Variants in CENPC observed in about 807,000 individuals in gnomAD.
The protein encoded by CENPC is centromere protein C.
CENPC carries 63 observed loss-of-function variants against 112.1 expected under a neutral mutation model. That is an observed-to-expected ratio of 0.56 (90% CI 0.46 to 0.69). The LOEUF is 0.69. Ranked by LOEUF, CENPC falls within the 30% of genes least tolerant of loss-of-function variation. The pLI, the probability that CENPC is intolerant of heterozygous loss-of-function variation, is 0.00. For missense variants in CENPC, 1,000 were observed against 1,103.8 expected (o/e 0.91, Z 1.33); for synonymous variants, 333 against 367.6 (o/e 0.91, Z 1.08).
At chr4:67,511,385 G>A (rs1005797683) in intron 9 of CENPC, among the ~76,000 whole-genome samples, 3 of 152,124 alleles carry the variant, frequency 2.0e-5, no homozygotes, top group Admixed American at 2.0e-4. Context: ...ATTTGTGTAT[G>A]TGAATGCTAC....
intron 4 of CENPC, among the ~76,000 whole-genome samples, chr4:67,539,477 T>C (rs537204368): frequency 1.3e-5 from 2 of 152,286 alleles, no homozygotes; most frequent in South Asian, 4.1e-4. Context: ...CAACAGAAGA[T>C]TGATTTCCCC....
At chr4:67,483,944 C>A (rs1304522822) in intron 17 of CENPC, among the ~76,000 whole-genome samples, 1 of 152,030 alleles carries the variant, frequency 6.6e-6, no homozygotes, top group African/African-American at 2.4e-5. Flanking sequence ...AGGTTTATTA[C>A]TGAAGAAAGA....
At chr4:67,501,700 G>A (rs1006243052) in intron 12 of CENPC, among the ~76,000 whole-genome samples, 2 of 152,276 alleles carry the variant, frequency 1.3e-5, no homozygotes, top group Admixed American at 1.3e-4. Flanking sequence ...TGTATGGTTC[G>A]AGGGTAGTTA....
intron 7 of CENPC, among the ~76,000 whole-genome samples, chr4:67,516,621 A>G (rs1313045002): frequency 6.6e-6 from 1 of 152,064 alleles, no homozygotes; most frequent in Non-Finnish European, 1.5e-5. Flanking sequence ...ACAAACTTAT[A>G]TAATTAGAAA....
chr4:67,483,367 A>T (rs959013262), intron 17 of CENPC, among the ~76,000 whole-genome samples: 58 of 152,256 alleles, frequency 3.8e-4, no homozygotes, highest in African/African-American at 1.3e-3. Flanking sequence ...AAGAAAAAAA[A>T]AAATTATCTA....
At chr4:67,509,898 T>C (rs1285423642) in intron 9 of CENPC, among the ~76,000 whole-genome samples, 2 of 152,176 alleles carry the variant, frequency 1.3e-5, no homozygotes, top group African/African-American at 2.4e-5. Context: ...TTATTATCTA[T>C]AGCTTCAGGA....
At chr4:67,488,171 A>G (rs1419364685) in intron 17 of CENPC, among the ~76,000 whole-genome samples, 1 of 150,218 alleles carries the variant, frequency 6.7e-6, no homozygotes, top group Non-Finnish European at 1.5e-5. Flanking sequence ...TTTATCTTGC[A>G]TATTTGCTTA....
In CENPC at chr4:67,530,685, T is replaced by A. The variant is rs539143986; in HGVS notation, c.331+130A>T. ...TGTAAGGAAATCAAAAACAAATTCA[T>A]CCATTTCACAATTCACAATTCTGTC... On this transcript the variant is annotated intron_variant, in intron 5 of 18. Coordinates refer to ENST00000273853, the MANE Select transcript of CENPC (RefSeq NM_001812.4). 6 of 422,190 alleles carry A rather than the reference T, an allele frequency of 1.4e-5. 1 individual carries two copies. In the South Asian group the frequency reaches 3.4e-4, roughly 24 times the overall value. 26.2% of individuals were successfully genotyped at this position (422,190 alleles called of 1,614,324 possible). A position where few individuals can be genotyped will look rare whatever the true frequency, so the allele number is the denominator to read the frequency against.
chr4:67,533,702 G>A (rs983012444), intron 4 of CENPC, among the ~76,000 whole-genome samples: 19 of 152,160 alleles, frequency 1.2e-4, no homozygotes, highest in African/African-American at 4.6e-4. Flanking sequence ...ACTGTTTATG[G>A]AGAAACCTAT....
At chr4:67,485,804 T>C (rs1379637553) in intron 17 of CENPC, among the ~76,000 whole-genome samples, 1 of 152,170 alleles carries the variant, frequency 6.6e-6, no homozygotes, top group Non-Finnish European at 1.5e-5. Context: ...TGCCCACTAA[T>C]GAGACAGCGA....
chr4:67,531,603 G>A (rs753247803), intron 4 of CENPC, among the ~76,000 whole-genome samples: 2 of 152,146 alleles, frequency 1.3e-5, no homozygotes, highest in Non-Finnish European at 1.5e-5. Flanking sequence ...ATTTTGGTAG[G>A]CAGGGGATGC....
chr4:67,544,223 G>A, intron 1 of CENPC, 28 bp from the exon 2 acceptor site: 1 of 1,368,138 alleles, frequency 7.3e-7, no homozygotes, highest in South Asian at 1.2e-5. Flanking sequence ...CATCAATTTG[G>A]TTTCTTTAAG....
intron 17 of CENPC, among the ~76,000 whole-genome samples, chr4:67,479,948 C>T (rs866797935): frequency 5.3e-5 from 8 of 152,034 alleles, no homozygotes; most frequent in Middle Eastern, 6.3e-3. Flanking sequence ...CTAGATTAAA[C>T]CAGGAAGAAA....
intron 10 of CENPC, among the ~76,000 whole-genome samples, chr4:67,508,059 T>C (rs355514): frequency 0.63 from 96,346 of 151,968 alleles, 30,798 homozygotes; most frequent in East Asian, 0.81. Flanking sequence ...TCATTAAAAG[T>C]ATCTAGCAAA....
intron 17 of CENPC, among the ~76,000 whole-genome samples, chr4:67,488,463 T>C (rs533810237): frequency 3.1e-4 from 47 of 152,152 alleles, no homozygotes; most frequent in African/African-American, 1.0e-3. Flanking sequence ...ATTACTTCCC[T>C]GGGAAAAATT....
chr4:67,483,429 T>C (rs973289502), intron 17 of CENPC, among the ~76,000 whole-genome samples: 2 of 151,870 alleles, frequency 1.3e-5, no homozygotes, highest in Non-Finnish European at 2.9e-5. Context: ...AAAAATAAAA[T>C]ATAACACAAT....
chr4:67,538,933 A>T (rs1726805454), intron 4 of CENPC, among the ~76,000 whole-genome samples: 1 of 152,174 alleles, frequency 6.6e-6, no homozygotes, highest in South Asian at 2.1e-4. Flanking sequence ...CATTTTTTAA[A>T]ATAGCTGCTT....
At chr4:67,487,750 G>A (rs1328403155) in intron 17 of CENPC, among the ~76,000 whole-genome samples, 1 of 150,348 alleles carries the variant, frequency 6.7e-6, no homozygotes, top group Admixed American at 6.6e-5. Flanking sequence ...TTTCCTTCTT[G>A]TCTCCTGGGA....
At chr4:67,543,101 A>G (rs529472151) in intron 2 of CENPC, among the ~76,000 whole-genome samples, 1 of 152,160 alleles carries the variant, frequency 6.6e-6, no homozygotes, top group Non-Finnish European at 1.5e-5. Context: ...GTGTGTGTTT[A>G]TATCAGATAG....
Sources: allele counts gnomAD v4.1 joint callset (sites outside exome capture counted in the v4.1 genomes callset), GRCh38; gene constraint gnomAD v4.1.1; transcripts MANE v1.5; gene names NCBI Gene and HGNC (gene_info 2026-07-23, HGNC 2026-07-21).